SORCS1: variants seen among roughly 807,000 people sequenced by gnomAD.
SORCS1 encodes the protein sortilin related VPS10 domain containing receptor 1.
In SORCS1, 60 loss-of-function variants were observed where a neutral mutation model predicts 146.1. The observed-to-expected ratio is 0.41, with a 90% confidence interval of 0.33 to 0.51. The LOEUF is 0.51. Ranked by LOEUF, SORCS1 falls within the 20% of genes least tolerant of loss-of-function variation. The probability of loss-of-function intolerance (pLI) is 0.21; values close to 1 mark genes in which losing one functional copy is unlikely to be tolerated. For synonymous variants in SORCS1, 637 were observed against 584.0 expected (o/e 1.09, Z -1.31); for missense variants, 1,352 against 1,487.6 (o/e 0.91, Z 1.50).
intron 6 of SORCS1, among the ~76,000 whole-genome samples, chr10:106,728,447 G>A (rs1176042178): frequency 1.3e-5 from 2 of 152,186 alleles, no homozygotes; most frequent in Non-Finnish European, 2.9e-5. Context: ...AGCTCATTCT[G>A]TGTCAGGCAC....
chr10:107,038,692 GGGGC>G (rs988461576), intron 1 of SORCS1, among the ~76,000 whole-genome samples: 142 of 66,488 alleles, frequency 2.1e-3, no homozygotes, highest in Non-Finnish European at 3.7e-3. Flanking sequence ...CCCTGGGCAG[GGGGC>G]GGGGGGGGAG....
At chr10:107,033,658 T>C (rs1958767789) in intron 1 of SORCS1, among the ~76,000 whole-genome samples, 1 of 152,224 alleles carries the variant, frequency 6.6e-6, no homozygotes, top group Admixed American at 6.5e-5. Flanking sequence ...GATTCCCTTG[T>C]TTTACAGACT....
chr10:106,927,426 T>A lies in SORCS1; in HGVS notation c.626+29087A>T, dbSNP rs546349068. Among the ~76,000 whole-genome samples, 177 of 152,074 alleles carry A rather than the reference T, an allele frequency of 1.2e-3. 1 individual carries two copies. The highest frequency in any genetic ancestry group is 3.9e-3 in the African/African-American group (163 of 41,456). Reference sequence around the variant, plus strand: ...GGAGTGAAGCTGCAGACCTTGGCGGTGAGTGTTACAGCTCATAAAGGCAGT... The same window carrying A: ...GGAGTGAAGCTGCAGACCTTGGCGGAGAGTGTTACAGCTCATAAAGGCAGT... On this transcript the variant is annotated intron_variant, in intron 2 of 25. Transcript: ENST00000263054.
At chr10:106,600,250 T>TACAACATTGTTTCATTGGCTC (rs1482750160) in intron 23 of SORCS1, 19 of 865,336 alleles carry the variant, frequency 2.2e-5, no homozygotes, top group Non-Finnish European at 2.1e-5. Flanking sequence ...TGTTTTGGTT[T>TACAACATTGTTTCATTGGCTC]ACAACATTGT....
intron 2 of SORCS1, among the ~76,000 whole-genome samples, chr10:106,840,839 T>C (rs1473987208): frequency 7.6e-6 from 1 of 131,154 alleles, no homozygotes; most frequent in Non-Finnish European, 1.5e-5. Flanking sequence ...TTTTTAGTTA[T>C]ATTATATATA....
intron 1 of SORCS1, among the ~76,000 whole-genome samples, chr10:107,131,859 C>T (rs868748027): frequency 1.3e-5 from 2 of 152,148 alleles, no homozygotes; most frequent in African/African-American, 4.8e-5. Context: ...ACTGAGCAGC[C>T]GAGGCACAAT....
At chr10:106,621,835 C>A (rs557604911) in intron 19 of SORCS1, among the ~76,000 whole-genome samples, 13 of 152,142 alleles carry the variant, frequency 8.5e-5, no homozygotes, top group African/African-American at 2.9e-4. Context: ...CCTAATCTGG[C>A]GCCCTGGTTC....
intron 2 of SORCS1, among the ~76,000 whole-genome samples, chr10:106,940,909 TTC>T (rs1954010590): frequency 6.6e-6 from 1 of 152,084 alleles, no homozygotes; most frequent in South Asian, 2.1e-4. Context: ...AAAAAAATTA[TTC>T]TCTGTGTGGA....
At chr10:106,923,653 G>C (rs1348106017) in intron 2 of SORCS1, among the ~76,000 whole-genome samples, 1 of 152,180 alleles carries the variant, frequency 6.6e-6, no homozygotes, top group Non-Finnish European at 1.5e-5. Context: ...TTGGATTTTA[G>C]CCATCCTAAT....
Position 106,679,297 on chromosome 10 carries a change from T to A in SORCS1, c.1699A>T (p.Ser567Cys). The A allele has an allele frequency of 6.2e-7, 1 of 1,613,412 alleles. No individual in the cohort carries two copies. Among genetic ancestry groups the A allele is most frequent in the Non-Finnish European group, 8.5e-7 (1 of 1,179,552 alleles). The change falls in exon 12 of 26, where the codon AGC becomes TGC. Residue 567 changes from serine (S) to cysteine (C), a missense_variant. Coordinates refer to ENST00000263054, the MANE Select transcript of SORCS1 (RefSeq NM_052918.5). ...IGSELSDTDI[S>C]MFVSSDAGNT... ...CCTGCATCTGAAGAGACAAACATGCTGATGTCAGTGTCTGACAATTCAGAA... is the reference window on the plus strand; with the variant it reads ...CCTGCATCTGAAGAGACAAACATGCAGATGTCAGTGTCTGACAATTCAGAA...
intron 1 of SORCS1, among the ~76,000 whole-genome samples, chr10:106,980,727 T>C (rs1956216679): frequency 6.6e-6 from 1 of 152,184 alleles, no homozygotes; most frequent in South Asian, 2.1e-4. Flanking sequence ...GAAAATATGC[T>C]GGTGGTAGCT....
chr10:106,682,062 A>G (rs1303193840), intron 10 of SORCS1, among the ~76,000 whole-genome samples: 3 of 152,196 alleles, frequency 2.0e-5, no homozygotes, highest in African/African-American at 7.2e-5. Context: ...CGGGAGGTGG[A>G]GGTTGCAGTT....
intron 1 of SORCS1, among the ~76,000 whole-genome samples, chr10:107,070,917 C>G (rs117721398): frequency 0.013 from 2,033 of 151,684 alleles, 29 homozygotes; most frequent in Non-Finnish European, 0.018. Flanking sequence ...GGTAAGATAT[C>G]TTAAAAAAAA....
chr10:106,748,760 G>C (rs1857933278), intron 5 of SORCS1, among the ~76,000 whole-genome samples: 1 of 152,120 alleles, frequency 6.6e-6, no homozygotes, highest in Non-Finnish European at 1.5e-5. Context: ...GTGTGAGTGT[G>C]TGTAACAATC....
intron 1 of SORCS1, among the ~76,000 whole-genome samples, chr10:106,994,079 A>G (rs1956891780): frequency 6.6e-6 from 1 of 150,730 alleles, no homozygotes; most frequent in Non-Finnish European, 1.5e-5. Context: ...AAAAAAAAAA[A>G]AAAAAAAAGA....
At chr10:106,709,581 C>T (rs566558162) in intron 6 of SORCS1, among the ~76,000 whole-genome samples, 28 of 151,590 alleles carry the variant, frequency 1.8e-4, no homozygotes, top group Non-Finnish European at 3.7e-4. Context: ...CCTGAGTAGC[C>T]GGGACTACAG....
At chr10:106,783,893 C>T (rs559723568) in intron 3 of SORCS1, among the ~76,000 whole-genome samples, 1 of 152,044 alleles carries the variant, frequency 6.6e-6, no homozygotes, top group Non-Finnish European at 1.5e-5. Context: ...TTCCCACATG[C>T]TAGTTCGCAA....
intron 1 of SORCS1, among the ~76,000 whole-genome samples, chr10:107,071,888 C>T (rs890358105): frequency 2.0e-5 from 3 of 152,142 alleles, no homozygotes; most frequent in Non-Finnish European, 4.4e-5. Flanking sequence ...AAAGCAGCTA[C>T]CCCAGGGCTG....
intron 5 of SORCS1, among the ~76,000 whole-genome samples, chr10:106,750,513 G>A (rs1156962126): frequency 6.6e-6 from 1 of 151,126 alleles, no homozygotes; most frequent in Non-Finnish European, 1.5e-5. Flanking sequence ...GGCGGATTAC[G>A]AGATAGGAGA....
Sources: allele counts gnomAD v4.1 joint callset (sites outside exome capture counted in the v4.1 genomes callset), GRCh38; gene constraint gnomAD v4.1.1; transcripts MANE v1.5; gene names NCBI Gene and HGNC (gene_info 2026-07-23, HGNC 2026-07-21).